PTGR2: variants seen among roughly 807,000 people sequenced by gnomAD.
The protein encoded by PTGR2 is prostaglandin reductase 2.
PTGR2 carries 32 observed loss-of-function variants against 43.4 expected under a neutral mutation model. That is an observed-to-expected ratio of 0.74 (90% CI 0.56 to 0.99). The LOEUF is 0.99. PTGR2 is among the 50% of genes least tolerant of loss of function. The pLI is 0.00. For synonymous variants in PTGR2, 106 were observed against 139.2 expected, an observed-to-expected ratio of 0.76 and a Z score of 1.68; for missense variants, 373 against 420.0, an observed-to-expected ratio of 0.89 and a Z score of 0.98.
At chr14:73,875,424 C>T (rs2054836714) in intron 4 of PTGR2, among the ~76,000 whole-genome samples, 1 of 152,024 alleles carries the variant, frequency 6.6e-6, no homozygotes, top group Admixed American at 6.6e-5. Context: ...CGGCTCACTT[C>T]AACCTCTGCC....
At chr14:73,873,756 TC>T (rs1484215485) in intron 3 of PTGR2, among the ~76,000 whole-genome samples, 3 of 152,110 alleles carry the variant, frequency 2.0e-5, no homozygotes, top group Non-Finnish European at 4.4e-5. Context: ...GAGCCACCGT[TC>T]CCAGCCAGTG....
intron 9 of PTGR2, among the ~76,000 whole-genome samples, chr14:73,882,765 G>A (rs2055021349): frequency 7.3e-6 from 1 of 137,918 alleles, no homozygotes; most frequent in Non-Finnish European, 1.5e-5. Flanking sequence ...CTCCCAAAGT[G>A]CTGGGATTAC....
At chr14:73,871,341 C>CTTTTTTTTTTTTTTTTTT (rs869073652) in intron 3 of PTGR2, among the ~76,000 whole-genome samples, 1 of 67,876 alleles carries the variant, frequency 1.5e-5, no homozygotes. Flanking sequence ...GGCTGTTCAT[C>CTTTTTTTTTTTTTTTTTT]TTTTTTTTTT....
chr14:73,870,986 GT>G (rs2054714008), intron 3 of PTGR2, among the ~76,000 whole-genome samples: 2 of 152,160 alleles, frequency 1.3e-5, no homozygotes, highest in African/African-American at 2.4e-5. Context: ...GTGTCTTTTT[GT>G]ATTCTAATGA....
intron 1 of PTGR2, 106 bp from the exon 2 acceptor site, chr14:73,858,710 T>TG: frequency 2.1e-6 from 1 of 481,706 alleles, no homozygotes; most frequent in East Asian, 3.2e-5. Context: ...GGATCCTAAA[T>TG]GTGATTTTTC....
intron 3 of PTGR2, among the ~76,000 whole-genome samples, chr14:73,871,341 C>CT (rs869073652): frequency 0.028 from 1,918 of 67,780 alleles, 39 homozygotes; most frequent in Admixed American, 0.041. Flanking sequence ...GGCTGTTCAT[C>CT]TTTTTTTTTT....
At position 73,858,904 on chromosome 14, in the gene PTGR2, G is replaced by A. The variant is rs568538488; in HGVS notation, c.37+5G>A. On this transcript the variant is annotated splice_donor_5th_base_variant and intron_variant, in intron 2 of 9. Transcript: ENST00000555661. ...TGGTATTGAATTCTCGACCTGGTATGTATTTGCGATGAATGAACAACTCTG... is the reference window on the plus strand; with the variant it reads ...TGGTATTGAATTCTCGACCTGGTATATATTTGCGATGAATGAACAACTCTG... The A allele has an allele frequency of 1.9e-6, 3 of 1,609,236 alleles. No homozygotes were observed. The highest frequency in any genetic ancestry group is 1.7e-5 in the Admixed American group (1 of 59,940).
intron 3 of PTGR2, among the ~76,000 whole-genome samples, chr14:73,866,971 C>G (rs778736408): frequency 6.6e-6 from 1 of 151,580 alleles, no homozygotes; most frequent in Non-Finnish European, 1.5e-5. Context: ...CACCTGTAAT[C>G]CCAGCTACTC....
At chr14:73,878,575 A>G (rs2054914729) in intron 5 of PTGR2, 2 of 372,134 alleles carry the variant, frequency 5.4e-6, no homozygotes, top group Non-Finnish European at 1.0e-5. Flanking sequence ...GATGCTGGGC[A>G]GCGGCAACAA....
intron 1 of PTGR2, among the ~76,000 whole-genome samples, chr14:73,853,689 G>T (rs79178745): frequency 0.033 from 5,051 of 152,154 alleles, 297 homozygotes; most frequent in African/African-American, 0.11. Flanking sequence ...GGGTGAGGGT[G>T]GGGGAGGTGG....
chr14:73,871,660 C>T (rs1170599055), intron 3 of PTGR2, among the ~76,000 whole-genome samples: 1 of 151,880 alleles, frequency 6.6e-6, no homozygotes, highest in African/African-American at 2.4e-5. Context: ...GACACTATAT[C>T]CAGGTAGATA....
chr14:73,868,270 C>T (rs1197098504), intron 3 of PTGR2, among the ~76,000 whole-genome samples: 5 of 151,770 alleles, frequency 3.3e-5, no homozygotes, highest in Non-Finnish European at 5.9e-5. Context: ...GCCTGGGCAA[C>T]AGAGCAAGAC....
intron 4 of PTGR2, chr14:73,874,690 G>A: frequency 2.4e-6 from 1 of 424,808 alleles, no homozygotes; most frequent in South Asian, 1.7e-5. Context: ...TGAGCTTGAA[G>A]TTTTTATAGC....
intron 1 of PTGR2, among the ~76,000 whole-genome samples, chr14:73,855,970 C>T (rs557797414): frequency 2.6e-5 from 4 of 151,040 alleles, no homozygotes; most frequent in Admixed American, 2.0e-4. Flanking sequence ...GCAGGAGAAT[C>T]GCTTGAATCT....
At chr14:73,864,009 C>T (rs1471519008) in intron 3 of PTGR2, among the ~76,000 whole-genome samples, 1 of 152,184 alleles carries the variant, frequency 6.6e-6, no homozygotes, top group African/African-American at 2.4e-5. Flanking sequence ...CCTCCTGCCT[C>T]AGCCTCCTGA....
In PTGR2 at chr14:73,879,189, G is replaced by T; in HGVS notation, c.613G>T (p.Ala205Ser). Residue 205 changes from alanine to serine, a missense_variant, in exon 6 of 10, where the codon GCA (alanine) becomes TCA (serine). Ala to Ser is a moderately conservative substitution (Grantham distance 99). Coordinates refer to ENST00000555661, the MANE Select transcript of PTGR2 (RefSeq NM_001146154.2). ...GACCTCAGAACTGGGCTTTGATGCTGCAATTAATTATAAAAAAGACAATGT... is the reference window on the plus strand; with the variant it reads ...GACCTCAGAACTGGGCTTTGATGCTTCAATTAATTATAAAAAAGACAATGT... The part of the protein sequence containing the change: ...LLTSELGFDA[A>S]INYKKDNVAE... 6.2e-7 allele frequency: 1 copy of T among 1,614,014 alleles called. No homozygotes were observed. The highest frequency in any genetic ancestry group is 1.1e-5 in the South Asian group (1 of 91,086).
intron 3 of PTGR2, among the ~76,000 whole-genome samples, chr14:73,871,171 G>A (rs192446896): frequency 2.0e-4 from 31 of 152,224 alleles, no homozygotes; most frequent in Admixed American, 1.3e-3. Flanking sequence ...AATCAATCAT[G>A]TCTATATAAT....
rs944108938 is a variant in PTGR2 at position 73,871,919 on chromosome 14, G to A, written c.157-2104G>A. On this transcript the variant is annotated intron_variant, in intron 3 of 9. Coordinates refer to ENST00000555661, the MANE Select transcript of PTGR2 (RefSeq NM_001146154.2). Reference sequence around the variant, plus strand: ...GGCTGCACTTGCTTTTAAGGAATACGTGGGAGGTGGCACACAAGCAGAAGC... The same window carrying A: ...GGCTGCACTTGCTTTTAAGGAATACATGGGAGGTGGCACACAAGCAGAAGC... 1.8e-4 allele frequency among the ~76,000 whole-genome samples: 27 copies of A among 152,042 alleles called. 1 individual carries two copies. The highest frequency in any genetic ancestry group is 1.3e-3 in the Admixed American group (20 of 15,264).
chr14:73,862,443 G>A (rs1346080638), intron 3 of PTGR2, among the ~76,000 whole-genome samples: 5 of 151,986 alleles, frequency 3.3e-5, no homozygotes, highest in East Asian at 1.9e-4. Context: ...TCCTGACCTC[G>A]TGATCCACCC....
Sources: gnomAD v4.1 joint callset for allele counts (sites outside exome capture counted in the v4.1 genomes callset) on GRCh38, gnomAD v4.1.1 for gene constraint, MANE v1.5 for transcripts, NCBI Gene and HGNC (gene_info 2026-07-23, HGNC 2026-07-21) for gene names.